OTUD7A: variants seen among roughly 807,000 people sequenced by gnomAD.
OTUD7A encodes the protein OTU deubiquitinase 7A.
In OTUD7A, 12 loss-of-function variants were observed where a neutral mutation model predicts 65.7. That is an observed-to-expected ratio of 0.18 (90% CI 0.12 to 0.30). The LOEUF is 0.30. Ranked by LOEUF, OTUD7A falls within the 10% of genes least tolerant of loss-of-function variation. The pLI is 1.00. For synonymous variants in OTUD7A, 641 were observed against 586.3 expected (o/e 1.09, Z -1.35); for missense variants, 1,148 against 1,304.8 (o/e 0.88, Z 1.85).
In OTUD7A at chr15:31,482,548, A is replaced by T. The variant is rs1488308746; in HGVS notation, c.*746T>A. On this transcript the variant is annotated 3_prime_UTR_variant, in exon 13 of 13. Coordinates refer to ENST00000307050, the MANE Select transcript of OTUD7A (RefSeq NM_001382637.1). ...TTTTGGACCCTAGGTGTCTTTGGAA[A>T]GCTCCTGTCACCTGAACTGCCCGGC... is the stretch of plus-strand genomic sequence containing the variant. 6.6e-6 allele frequency: 1 copy of T among 152,380 alleles called. No individual in the cohort carries two copies. The highest frequency in any genetic ancestry group is 1.9e-4 in the East Asian group (1 of 5,182). The allele number at this position is 152,380 out of a possible 1,614,324, so 9.4% of individuals were successfully genotyped here. A position where few individuals can be genotyped will look rare whatever the true frequency, so the allele number is the denominator to read the frequency against.
chr15:31,746,338 TACATACACACACC>T (rs1333923173), intron 1 of OTUD7A, among the ~76,000 whole-genome samples: 2 of 152,126 alleles, frequency 1.3e-5, no homozygotes, highest in Non-Finnish European at 2.9e-5. Flanking sequence ...TGTATTTATG[TACATACACACACC>T]ACATACACAC....
At chr15:31,730,015 G>A (rs936991164) in intron 1 of OTUD7A, among the ~76,000 whole-genome samples, 1 of 152,086 alleles carries the variant, frequency 6.6e-6, no homozygotes, top group Non-Finnish European at 1.5e-5. Context: ...AGCCCCCCAG[G>A]GTAATGTTAT....
intron 1 of OTUD7A, among the ~76,000 whole-genome samples, chr15:31,747,444 T>A (rs1454122908): frequency 6.6e-6 from 1 of 152,082 alleles, no homozygotes; most frequent in African/African-American, 2.4e-5. Context: ...GAAGGAGGTG[T>A]TGAGAGAACA....
chr15:31,685,173 T>C (rs1381305587), intron 1 of OTUD7A, among the ~76,000 whole-genome samples: 1 of 152,254 alleles, frequency 6.6e-6, no homozygotes, highest in Non-Finnish European at 1.5e-5. Context: ...TCATTCACAA[T>C]TGGTTAAAAT....
At chr15:31,867,757 G>C (rs1209440986) in intron 1 of OTUD7A, among the ~76,000 whole-genome samples, 1 of 152,198 alleles carries the variant, frequency 6.6e-6, no homozygotes, top group African/African-American at 2.4e-5. Context: ...AGTGTGCTAA[G>C]AGCCACCTTC....
At chr15:31,780,408 G>A (rs796866617) in intron 1 of OTUD7A, among the ~76,000 whole-genome samples, 2 of 152,202 alleles carry the variant, frequency 1.3e-5, no homozygotes, top group Non-Finnish European at 2.9e-5. Flanking sequence ...AATAAAAAAA[G>A]TATAAAAAAC....
chr15:31,811,380 C>G (rs1426553813), intron 1 of OTUD7A, among the ~76,000 whole-genome samples: 2 of 151,350 alleles, frequency 1.3e-5, no homozygotes, highest in South Asian at 2.1e-4. Context: ...TGTATCCATA[C>G]TTGCATGTGT....
intron 1 of OTUD7A, among the ~76,000 whole-genome samples, chr15:31,837,019 C>T (rs1164794807): frequency 6.6e-6 from 1 of 152,048 alleles, no homozygotes; most frequent in Non-Finnish European, 1.5e-5. Context: ...AAATGAAACA[C>T]ATAATGATTC....
intron 3 of OTUD7A, among the ~76,000 whole-genome samples, chr15:31,628,855 T>C (rs928165643): frequency 1.2e-4 from 18 of 152,236 alleles, no homozygotes; most frequent in African/African-American, 4.1e-4. Context: ...TTTGAAGCAA[T>C]TGTGAATGGG....
intron 3 of OTUD7A, among the ~76,000 whole-genome samples, chr15:31,641,495 T>C (rs1325904492): frequency 6.6e-6 from 1 of 152,216 alleles, no homozygotes; most frequent in Admixed American, 6.5e-5. Flanking sequence ...CTTGGATTGT[T>C]ATTGAGATTA....
intron 1 of OTUD7A, among the ~76,000 whole-genome samples, chr15:31,725,182 G>A (rs1566989932): frequency 6.6e-6 from 1 of 152,316 alleles, no homozygotes; most frequent in African/African-American, 2.4e-5. Context: ...TCTCCAAAGA[G>A]GAGCTAAGGC....
At chr15:31,574,878 C>G (rs1595622209) in intron 3 of OTUD7A, among the ~76,000 whole-genome samples, 2 of 152,140 alleles carry the variant, frequency 1.3e-5, no homozygotes, top group Non-Finnish European at 2.9e-5. Flanking sequence ...CTAATCAGCC[C>G]AGGGCCAGGT....
Position 31,853,899 on chromosome 15 carries a change from GA to G in OTUD7A, c.-100+16607del, listed in dbSNP as rs1275287690. Among the ~76,000 whole-genome samples the G allele has an allele frequency of 2.6e-5, 4 of 152,238 alleles. No homozygotes were observed. The East Asian group carries it at 5.8e-4, about 22-fold the overall frequency. On this transcript the variant is annotated intron_variant, in intron 1 of 12. Coordinates refer to ENST00000307050, the MANE Select transcript of OTUD7A (RefSeq NM_001382637.1). The stretch of plus-strand genomic sequence containing the variant: ...GCAACCAGCATGGGAATCAGGCACA[GA>G]AGAGAGGGTAGGGAAGGAGAAGAGC...
chr15:31,671,546 A>C (rs1892484583), intron 1 of OTUD7A, among the ~76,000 whole-genome samples: 1 of 152,178 alleles, frequency 6.6e-6, no homozygotes, highest in Non-Finnish European at 1.5e-5. Flanking sequence ...GAGTGGTTTT[A>C]TTATGGATAG....
intron 1 of OTUD7A, among the ~76,000 whole-genome samples, chr15:31,840,927 C>T (rs2140993746): frequency 6.6e-6 from 1 of 152,346 alleles, no homozygotes; most frequent in Non-Finnish European, 1.5e-5. Context: ...AAGTCACAGG[C>T]TTGTCACAGT....
At chr15:31,655,275 T>C (rs1208671343) in intron 2 of OTUD7A, 25 bp from the exon 3 acceptor site, 1 of 1,036,118 alleles carries the variant, frequency 9.7e-7, no homozygotes, top group South Asian at 1.5e-5. Context: ...AGAAAGGGCA[T>C]TTTACCACGT....
At position 31,493,561 on chromosome 15, in the gene OTUD7A, G is replaced by A. The variant is rs144861024; in HGVS notation, c.1172-5995C>T. On this transcript the variant is annotated intron_variant, in intron 10 of 12. Transcript: ENST00000307050. ...TTGACATTTCTAGAACCTAACAAGA[G>A]CAGAGTATATATTATTTTCAAATAC... 1.3e-3 allele frequency among the ~76,000 whole-genome samples: 198 copies of A among 152,310 alleles called. 4 individuals are homozygous for A. The East Asian group carries it at 0.029, about 22-fold the overall frequency.
chr15:31,742,235 G>A (rs1182492222), intron 1 of OTUD7A, among the ~76,000 whole-genome samples: 1 of 151,874 alleles, frequency 6.6e-6, no homozygotes, highest in Non-Finnish European at 1.5e-5. Context: ...ATGGAAATGT[G>A]ACAAGAAGTA....
intron 1 of OTUD7A, chr15:31,766,261 C>T: frequency 6.3e-7 from 1 of 1,593,910 alleles, no homozygotes; most frequent in Non-Finnish European, 8.6e-7. Flanking sequence ...GATCTCGCAC[C>T]CATTGCATCA....
Sources: gnomAD v4.1 joint callset for allele counts (sites outside exome capture counted in the v4.1 genomes callset) on GRCh38, gnomAD v4.1.1 for gene constraint, MANE v1.5 for transcripts, NCBI Gene and HGNC (gene_info 2026-07-23, HGNC 2026-07-21) for gene names.